Variants in TIAM2 observed in about 807,000 individuals in gnomAD.
TIAM2 encodes rho guanine nucleotide exchange factor TIAM2.
A neutral mutation model predicts 152.9 loss-of-function variants in TIAM2; 80 were observed. The ratio of observed to expected loss-of-function variants is 0.52; its 90% CI spans 0.44 to 0.63. The LOEUF (loss-of-function observed/expected upper bound fraction) is 0.63, where lower values mean the gene tolerates loss of function less well. Among genes scored for constraint, TIAM2 ranks in the 30% least tolerant of loss-of-function variants. The pLI, the probability that TIAM2 is intolerant of heterozygous loss-of-function variation, is 0.00. For synonymous variants in TIAM2, 804 were observed against 838.0 expected, an observed-to-expected ratio of 0.96 and a Z score of 0.70; for missense variants, 1,965 against 2,120.1, an observed-to-expected ratio of 0.93 and a Z score of 1.44.
At chr6:155,173,875 G>C (rs545372028) in intron 9 of TIAM2, among the ~76,000 whole-genome samples, 2 of 152,370 alleles carry the variant, frequency 1.3e-5, no homozygotes, top group African/African-American at 4.8e-5. Flanking sequence ...GAATTCATAA[G>C]ACAGGGGCAT....
At chr6:155,100,157 G>C (rs368166209) in intron 2 of TIAM2, among the ~76,000 whole-genome samples, 3 of 152,170 alleles carry the variant, frequency 2.0e-5, no homozygotes, top group Non-Finnish European at 4.4e-5. Flanking sequence ...TTTTGACTGC[G>C]TATGATCATT....
intron 1 of TIAM2, among the ~76,000 whole-genome samples, chr6:155,048,959 C>A (rs1777264754): frequency 6.6e-6 from 1 of 151,996 alleles, no homozygotes; most frequent in Non-Finnish European, 1.5e-5. Context: ...TGCCACCATG[C>A]ACCTATAATT....
intron 1 of TIAM2, among the ~76,000 whole-genome samples, chr6:155,061,315 A>G (rs1354365072): frequency 1.3e-5 from 2 of 151,488 alleles, no homozygotes; most frequent in Non-Finnish European, 2.9e-5. Context: ...TCATACTGCT[A>G]TCTCTAAATA....
At position 155,257,699 on chromosome 6, in the gene TIAM2, T is replaced by C. The variant is rs763005208; in HGVS notation, c.*578T>C. On this transcript the variant is annotated 3_prime_UTR_variant, in exon 27 of 27. Transcript: ENST00000682666. ...GATATTTATTTTCTCTGCCAAGCTG[T>C]ATAGTAAAAGGAAAATAAGTCACAT... is the stretch of plus-strand genomic sequence containing the variant. 1.3e-5 allele frequency: 13 copies of C among 999,460 alleles called. No homozygotes were observed. The highest frequency in any genetic ancestry group is 2.0e-5 in the Non-Finnish European group (13 of 663,456). 61.9% of individuals were successfully genotyped at this position (999,460 alleles called of 1,614,324 possible). A position where few individuals can be genotyped will look rare whatever the true frequency, so the allele number is the denominator to read the frequency against.
intron 14 of TIAM2, among the ~76,000 whole-genome samples, chr6:155,207,358 T>C (rs1006017826): frequency 2.6e-5 from 4 of 152,230 alleles, no homozygotes; most frequent in African/African-American, 9.6e-5. Context: ...CTCCCAGAGC[T>C]GGGGATGGCA....
chr6:155,117,503 C>T (rs1030691420), intron 2 of TIAM2, among the ~76,000 whole-genome samples: 2 of 152,170 alleles, frequency 1.3e-5, no homozygotes, highest in South Asian at 2.1e-4. Context: ...AATGCAGTGG[C>T]GCCATCTCGG....
intron 17 of TIAM2, 81 bp from the exon 18 acceptor site, chr6:155,244,577 T>G: frequency 6.7e-7 from 1 of 1,492,586 alleles, no homozygotes; most frequent in Non-Finnish European, 9.1e-7. Flanking sequence ...TCCTTGTGAT[T>G]TATTTGTGGG....
intron 9 of TIAM2, among the ~76,000 whole-genome samples, chr6:155,169,824 A>AT (rs112991074): frequency 7.0e-4 from 104 of 147,520 alleles, no homozygotes; most frequent in South Asian, 2.4e-3. Context: ...CCACCAAATA[A>AT]TTTTTTTTTT....
At chr6:155,148,476 G>A (rs1420252911) in intron 7 of TIAM2, 142 bp downstream of exon 7, 2 of 884,774 alleles carry the variant, frequency 2.3e-6, no homozygotes, top group Admixed American at 5.5e-5. Context: ...AATTTCTGTG[G>A]TTTTTCATTT....
At chr6:155,108,802 T>C (rs1778759507) in intron 2 of TIAM2, among the ~76,000 whole-genome samples, 1 of 152,048 alleles carries the variant, frequency 6.6e-6, no homozygotes. Flanking sequence ...TTTGCAAAAT[T>C]AGTTAAGGGT....
intron 1 of TIAM2, among the ~76,000 whole-genome samples, chr6:155,074,492 C>T (rs1057456815): frequency 3.3e-5 from 5 of 151,968 alleles, no homozygotes; most frequent in African/African-American, 1.2e-4. Context: ...GGACTACAGA[C>T]GCCCATCACC....
Position 155,047,682 on chromosome 6 carries a change from GA to G in TIAM2, c.-208-42606del, listed in dbSNP as rs1420629388. 8.7e-4 allele frequency among the ~76,000 whole-genome samples: 27 copies of G among 30,912 alleles called. 2 individuals are homozygous for G. Among genetic ancestry groups the G allele is most frequent in the South Asian group, 1.9e-3 (2 of 1,050 alleles). 20.3% of individuals were successfully genotyped at this position (30,912 alleles called of 152,430 possible). A position where few individuals can be genotyped will look rare whatever the true frequency, so the allele number is the denominator to read the frequency against. ...GAGAGAGAGAGGAGAGAGAGAGAGA[GA>G]GAGAGGAGAGAGAGAGAGAGAGCGA... On this transcript the variant is annotated intron_variant, in intron 1 of 26. Coordinates refer to ENST00000682666, the MANE Select transcript of TIAM2 (RefSeq NM_012454.4).
intron 9 of TIAM2, among the ~76,000 whole-genome samples, chr6:155,168,570 TG>T (rs1240397818): frequency 6.6e-6 from 1 of 152,130 alleles, no homozygotes; most frequent in Non-Finnish European, 1.5e-5. Flanking sequence ...TTGGCCAGGC[TG>T]GTCTTGAACT....
chr6:155,153,123 T>A (rs1319236320), intron 7 of TIAM2, among the ~76,000 whole-genome samples: 1 of 152,126 alleles, frequency 6.6e-6, no homozygotes, highest in Non-Finnish European at 1.5e-5. Context: ...TTATTTTAAG[T>A]GCACCTTTCT....
chr6:155,029,286 T>G (rs1223605811), intron 1 of TIAM2, among the ~76,000 whole-genome samples: 2 of 50,906 alleles, frequency 3.9e-5, no homozygotes, highest in African/African-American at 1.1e-4. Context: ...TACTATGTGT[T>G]ATATATACTA....
At chr6:155,157,789 T>C (rs557809813) in intron 7 of TIAM2, among the ~76,000 whole-genome samples, 4 of 152,348 alleles carry the variant, frequency 2.6e-5, no homozygotes, top group Admixed American at 2.6e-4. Flanking sequence ...GATGGTGCTT[T>C]GCTTGCTAAC....
At chr6:155,168,901 CA>C in intron 9 of TIAM2, 1 of 1,535,454 alleles carries the variant, frequency 6.5e-7, no homozygotes, top group Non-Finnish European at 8.7e-7. Flanking sequence ...CTCAAAACTC[CA>C]GTAACTCCAG....
Position 155,045,959 on chromosome 6 carries a change from C to T in TIAM2, c.-208-44330C>T, listed in dbSNP as rs573688392. On this transcript the variant is annotated intron_variant, in intron 1 of 26. Transcript: ENST00000682666. ...CTGTTTTAATGAGGAAGAGGAGGGG[C>T]GGGCGGGAGGTAGCAGGGGAGAGCA... Among the ~76,000 whole-genome samples, 6 of 136,616 alleles carry T rather than the reference C, an allele frequency of 4.4e-5. No individual in the cohort carries two copies. In the East Asian group the frequency reaches 7.2e-4, roughly 16 times the overall value. The allele number at this position is 136,616 out of a possible 152,430, so 89.6% of individuals were successfully genotyped here.
At chr6:155,199,719 C>G (rs1781435124) in intron 14 of TIAM2, among the ~76,000 whole-genome samples, 1 of 152,136 alleles carries the variant, frequency 6.6e-6, no homozygotes, top group African/African-American at 2.4e-5. Flanking sequence ...ATCAAACATT[C>G]CATTTTGGTT....
Sources: gnomAD v4.1 joint callset for allele counts (sites outside exome capture counted in the v4.1 genomes callset) on GRCh38, gnomAD v4.1.1 for gene constraint, MANE v1.5 for transcripts, NCBI Gene and HGNC (gene_info 2026-07-23, HGNC 2026-07-21) for gene names.